The following ZNF185 variants were observed in gnomAD, a reference collection of about 807,000 sequenced individuals.
ZNF185 encodes zinc finger protein 185 with LIM domain, also known as zinc finger protein 185.
Under a neutral mutation model 58.6 loss-of-function variants are expected in ZNF185, and 56 were observed. The ratio of observed to expected loss-of-function variants is 0.95; its 90% CI spans 0.77 to 1.19. The LOEUF (loss-of-function observed/expected upper bound fraction) is 1.19. Among genes scored for constraint, ZNF185 ranks in the 50% most tolerant of loss-of-function variants. ZNF185 has a pLI of 0.00. For missense variants in ZNF185, 627 were observed against 573.5 expected, an observed-to-expected ratio of 1.09 and a Z score of -0.95; for synonymous variants, 230 against 215.9, an observed-to-expected ratio of 1.07 and a Z score of -0.57.
At chrX:152,955,859 G>A (rs899772436) in intron 16 of ZNF185, among the ~76,000 whole-genome samples, 2 of 107,746 alleles carry the variant, frequency 1.9e-5, no homozygotes, top group Admixed American at 2.0e-4. Context: ...CCAAGATCAC[G>A]CCACTGCACT....
chrX:152,910,031 C>T (rs1936936715), upstream of ZNF185, among the ~76,000 whole-genome samples: 3 of 109,806 alleles, frequency 2.7e-5, no homozygotes, highest in Admixed American at 1.9e-4. Context: ...CCTCAGCCTC[C>T]CAAGTAGCTG....
At chrX:152,928,523 G>T in intron 11 of ZNF185, 52 bp from the exon 13 acceptor site, 4 of 1,182,229 alleles carry the variant, frequency 3.4e-6, no homozygotes, top group South Asian at 1.8e-5. Flanking sequence ...AGCCCAAGAA[G>T]GGGGAGACTT....
chrX:152,928,488 G>A (rs1941297912), intron 11 of ZNF185, 87 bp from the exon 13 acceptor site: 15 of 978,290 alleles, frequency 1.5e-5, no homozygotes, highest in Middle Eastern at 3.1e-4. Flanking sequence ...GGGGCAGTGG[G>A]TCTGGGCGGC....
chrX:152,967,127 C>G (rs1461231613), intron 19 of ZNF185, 40 bp from the exon 22 acceptor site: 1 of 1,161,138 alleles, frequency 8.6e-7, no homozygotes, highest in Non-Finnish European at 1.2e-6. Context: ...TGATTTGGCT[C>G]TCATCTCTGC....
chrX:152,898,746 G>A, the ZNF185 span, among the ~76,000 whole-genome samples: 1 of 112,562 alleles, frequency 8.9e-6, no homozygotes, highest in Non-Finnish European at 1.9e-5. Flanking sequence ...TGAGGATGGT[G>A]GCTGCTCACA....
chrX:152,958,715 GACCGAA>G (rs2049115988), intron 16 of ZNF185, among the ~76,000 whole-genome samples: 1 of 106,528 alleles, frequency 9.4e-6, no homozygotes. Context: ...CTGGGCGACA[GACCGAA>G]ACTCCGTCTC....
At chrX:152,917,336 C>T (rs1938703508) in exon 5 of ZNF185, 1 of 1,211,834 alleles carries the variant, frequency 8.3e-7, no homozygotes, top group Non-Finnish European at 1.1e-6. Context: ...AGCAGCAGTT[C>T]CCCAAGGCCA....
rs781946208 is a variant in ZNF185 at position 152,914,823 on chromosome X, G to C, written c.148G>C (p.Gly50Arg). Residue 50 changes from glycine (G) to arginine (R), a missense_variant, in exon 2 of 23, where the codon GGT becomes CGT. Coordinates refer to ENST00000449285, the Ensembl canonical transcript of ZNF185. ...GATTACCAAGCAGGATGAATCGGAG[G>C]GTCGCACCATGTAAGGCAAGGAGGC... is the stretch of plus-strand genomic sequence containing the variant. The C allele has an allele frequency of 2.5e-6, 3 of 1,184,512 alleles. No individual in the cohort carries two copies. The Admixed American group carries it at 7.2e-5, about 29-fold the overall frequency.
chrX:152,938,889 ACTCAGGCGATCTC>A (rs1303175566), intron 15 of ZNF185, among the ~76,000 whole-genome samples: 16 of 85,576 alleles, frequency 1.9e-4, no homozygotes, highest in South Asian at 5.3e-4. Context: ...GGAAAAGGCA[ACTCAGGCGATCTC>A]CTCTAAAGAG....
At chrX:152,966,952 C>T (rs1178743682) in intron 19 of ZNF185, among the ~76,000 whole-genome samples, 1 of 110,931 alleles carries the variant, frequency 9.0e-6, no homozygotes, top group Non-Finnish European at 1.9e-5. Flanking sequence ...CATATACAAC[C>T]TCAGGAATCC....
intron 15 of ZNF185, among the ~76,000 whole-genome samples, chrX:152,944,641 C>T (rs1482165739): frequency 8.9e-6 from 1 of 111,849 alleles, no homozygotes; most frequent in East Asian, 2.8e-4. Flanking sequence ...CCCTGAAGAG[C>T]TCGATGCCTG....
intron 3 of ZNF185, among the ~76,000 whole-genome samples, chrX:152,916,144 C>T (rs1938419631): frequency 8.9e-6 from 1 of 111,882 alleles, no homozygotes; most frequent in Non-Finnish European, 1.9e-5. Flanking sequence ...CGAGAACCCC[C>T]AAGTGTGCCT....
At chrX:152,966,089 C>T (rs1196453189) in intron 19 of ZNF185, among the ~76,000 whole-genome samples, 1 of 110,301 alleles carries the variant, frequency 9.1e-6, no homozygotes, top group Non-Finnish European at 1.9e-5. Flanking sequence ...CTCACCACAA[C>T]CTCTGCCTCC....
intron 15 of ZNF185, among the ~76,000 whole-genome samples, 157 bp from the exon 18 acceptor site, chrX:152,945,110 C>G (rs1254776136): frequency 3.5e-5 from 4 of 113,131 alleles, no homozygotes; most frequent in African/African-American, 1.3e-4. Context: ...ACTGTCTGCT[C>G]CCTGGAATTG....
chrX:152,969,602 T>G (rs782710462), intron 21 of ZNF185, 118 bp downstream of exon 23: 1 of 539,632 alleles, frequency 1.9e-6, no homozygotes, highest in African/African-American at 2.3e-5. Flanking sequence ...GGAGGCTTGA[T>G]CTCCATATAC....
Position 152,924,391 on chromosome X carries a change from G to A in ZNF185, c.830+1582G>A, listed in dbSNP as rs181430280. 1.5e-3 allele frequency among the ~76,000 whole-genome samples: 167 copies of A among 111,367 alleles called. 2 individuals carry two copies. The highest frequency in any genetic ancestry group is 5.2e-3 in the African/African-American group (160 of 30,580). On this transcript the variant is annotated intron_variant, in intron 11 of 22. Transcript: ENST00000449285. ...CTGCCTTAGCCTCCCAAAGTGCTGG[G>A]ATTGCAGGCATGAGCCACCGCGCCC...
At chrX:152,927,989 C>A (rs1348113416) in intron 11 of ZNF185, among the ~76,000 whole-genome samples, 5 of 112,766 alleles carry the variant, frequency 4.4e-5, no homozygotes, top group Admixed American at 3.7e-4. Context: ...TCATGCCTTG[C>A]AGTACGGCCA....
At chrX:152,963,549 TC>T (rs1443814108) in intron 17 of ZNF185, among the ~76,000 whole-genome samples, 1 of 111,794 alleles carries the variant, frequency 8.9e-6, no homozygotes, top group African/African-American at 3.3e-5. Context: ...GCCCCATGAT[TC>T]CACTCTAACT....
chrX:152,923,007 G>T (rs1307727794), intron 11 of ZNF185, among the ~76,000 whole-genome samples, 198 bp downstream of exon 12: 1 of 112,471 alleles, frequency 8.9e-6, no homozygotes, highest in African/African-American at 3.2e-5. Flanking sequence ...GCAGATAATG[G>T]TGCTCTCTTG....
Sources: gnomAD v4.1 joint callset for allele counts (sites outside exome capture counted in the v4.1 genomes callset) on GRCh38, gnomAD v4.1.1 for gene constraint, MANE v1.5 for transcripts, NCBI Gene and HGNC (gene_info 2026-07-23, HGNC 2026-07-21) for gene names.